Variants in ADAM12 observed in about 807,000 individuals in gnomAD.
The protein encoded by ADAM12 is ADAM metallopeptidase domain 12.
Under a neutral mutation model 106.4 loss-of-function variants are expected in ADAM12, and 70 were observed. The observed-to-expected ratio is 0.66, with a 90% CI of 0.54 to 0.80. The LOEUF (loss-of-function observed/expected upper bound fraction) is 0.80, where lower values mean the gene tolerates loss of function less well. Ranked by LOEUF, ADAM12 falls within the 30% of genes least tolerant of loss-of-function variation. The pLI is 0.00. For missense variants in ADAM12, 1,010 were observed against 1,171.9 expected (o/e 0.86, Z 2.02); for synonymous variants, 420 against 433.5 (o/e 0.97, Z 0.39).
At chr10:126,180,741 T>C (rs943260725) in intron 3 of ADAM12, among the ~76,000 whole-genome samples, 4 of 152,172 alleles carry the variant, frequency 2.6e-5, no homozygotes, top group Non-Finnish European at 1.5e-5. Flanking sequence ...CAAAACCTTA[T>C]CACGTACAAA....
At chr10:126,123,901 G>T (rs1048757473) in intron 5 of ADAM12, among the ~76,000 whole-genome samples, 3 of 152,300 alleles carry the variant, frequency 2.0e-5, no homozygotes, top group African/African-American at 7.2e-5. Flanking sequence ...AAATCCTGTT[G>T]TTTTTCCTTG....
intron 3 of ADAM12, among the ~76,000 whole-genome samples, chr10:126,231,276 T>C (rs955503004): frequency 4.6e-5 from 7 of 152,204 alleles, no homozygotes; most frequent in Admixed American, 3.9e-4. Flanking sequence ...TTTTCTTCTC[T>C]GTGTTGGAAC....
At chr10:126,248,909 T>C (rs1482295327) in intron 3 of ADAM12, among the ~76,000 whole-genome samples, 1 of 152,008 alleles carries the variant, frequency 6.6e-6, no homozygotes, top group Non-Finnish European at 1.5e-5. Flanking sequence ...TTTCATGATG[T>C]TGGTCAGGCT....
chr10:126,321,252 CATG>C (rs1854085227), intron 2 of ADAM12, among the ~76,000 whole-genome samples: 1 of 152,094 alleles, frequency 6.6e-6, no homozygotes. Context: ...GAAGGTAAAT[CATG>C]ATATCTCCTG....
intron 3 of ADAM12, among the ~76,000 whole-genome samples, chr10:126,271,556 G>C (rs1959176092): frequency 6.6e-6 from 1 of 152,220 alleles, no homozygotes; most frequent in Non-Finnish European, 1.5e-5. Context: ...CTTGAGGCCA[G>C]GAGCTCAAGA....
chr10:126,277,190 T>C (rs1421701022), intron 3 of ADAM12, among the ~76,000 whole-genome samples: 1 of 152,188 alleles, frequency 6.6e-6, no homozygotes, highest in Non-Finnish European at 1.5e-5. Flanking sequence ...TTTTAAAAAA[T>C]GTTAGGGTTA....
rs1414531273 is a variant in ADAM12, at chr10:126,161,311, A to AT, written c.261-6007dup. On this transcript the variant is annotated intron_variant, in intron 3 of 22. Transcript: ENST00000448723. ...ATATATTATCTGGCCCATGGATATT[A>AT]TTTTTTTAATCCCTATTTAAAAGAG... is the stretch of plus-strand genomic sequence containing the variant. Among the ~76,000 whole-genome samples, 4 of 152,064 alleles carry AT rather than the reference A, an allele frequency of 2.6e-5. No homozygotes were observed. The South Asian group carries it at 8.3e-4, about 32-fold the overall frequency.
At chr10:126,321,907 G>GGT (rs1168632026) in intron 2 of ADAM12, among the ~76,000 whole-genome samples, 3 of 141,028 alleles carry the variant, frequency 2.1e-5, no homozygotes, top group Non-Finnish European at 3.1e-5. Flanking sequence ...CTGGGGGTCG[G>GGT]GGGGGGGGCT....
At chr10:126,217,273 A>C (rs993041782) in intron 3 of ADAM12, among the ~76,000 whole-genome samples, 1 of 152,210 alleles carries the variant, frequency 6.6e-6, no homozygotes, top group African/African-American at 2.4e-5. Context: ...ACTGAGAAAA[A>C]ATAATCAGTC....
chr10:126,351,131 G>A (rs573869287), intron 1 of ADAM12, among the ~76,000 whole-genome samples: 6 of 152,292 alleles, frequency 3.9e-5, no homozygotes, highest in Non-Finnish European at 7.4e-5. Flanking sequence ...CCCTCAGCCC[G>A]GAGGCCCAGA....
intron 3 of ADAM12, among the ~76,000 whole-genome samples, chr10:126,269,554 G>A (rs962494724): frequency 6.6e-6 from 1 of 152,118 alleles, no homozygotes. Flanking sequence ...AACCATCCCG[G>A]TCGCACCAGG....
At chr10:126,104,823 G>A (rs1196454057) in intron 8 of ADAM12, among the ~76,000 whole-genome samples, 1 of 152,210 alleles carries the variant, frequency 6.6e-6, no homozygotes, top group Non-Finnish European at 1.5e-5. Context: ...CACGCAGCAA[G>A]CAGTTATTAA....
chr10:126,257,745 C>T (rs1436480595), intron 3 of ADAM12, among the ~76,000 whole-genome samples: 1 of 152,034 alleles, frequency 6.6e-6, no homozygotes, highest in East Asian at 1.9e-4. Flanking sequence ...GAGGTAAGAA[C>T]AAAGATAAAG....
chr10:126,225,587 G>T (rs1427577067), intron 3 of ADAM12, among the ~76,000 whole-genome samples: 1 of 152,164 alleles, frequency 6.6e-6, no homozygotes, highest in Non-Finnish European at 1.5e-5. Context: ...TCACACGTGG[G>T]AGTGGAAAGT....
intron 3 of ADAM12, among the ~76,000 whole-genome samples, chr10:126,257,430 G>C (rs925900801): frequency 2.0e-5 from 3 of 152,298 alleles, no homozygotes; most frequent in Admixed American, 2.0e-4. Flanking sequence ...AACTCGATCT[G>C]ACTCAATACA....
At chr10:126,181,901 A>G (rs1485215371) in intron 3 of ADAM12, among the ~76,000 whole-genome samples, 1 of 152,184 alleles carries the variant, frequency 6.6e-6, no homozygotes, top group Non-Finnish European at 1.5e-5. Context: ...GGGAGATTAC[A>G]TGATTTCTGG....
intron 1 of ADAM12, among the ~76,000 whole-genome samples, chr10:126,349,658 T>G (rs1407567404): frequency 6.6e-6 from 1 of 152,216 alleles, no homozygotes; most frequent in East Asian, 1.9e-4. Context: ...AACTTCCCTC[T>G]AAAGGTCCAA....
intron 2 of ADAM12, among the ~76,000 whole-genome samples, chr10:126,280,277 G>A (rs955119607): frequency 3.9e-5 from 6 of 152,156 alleles, no homozygotes; most frequent in African/African-American, 1.4e-4. Context: ...CCATATAACT[G>A]GGGTAGAGTC....
intron 21 of ADAM12, among the ~76,000 whole-genome samples, chr10:126,021,727 C>A (rs1030675744): frequency 5.3e-5 from 8 of 152,176 alleles, no homozygotes; most frequent in African/African-American, 1.9e-4. Context: ...TGATCATAGT[C>A]CCTTCCTCCC....
Sources: allele counts gnomAD v4.1 joint callset (sites outside exome capture counted in the v4.1 genomes callset), GRCh38; gene constraint gnomAD v4.1.1; transcripts MANE v1.5; gene names NCBI Gene and HGNC (gene_info 2026-07-23, HGNC 2026-07-21).